Variants in ACSM1 observed in about 807,000 individuals in gnomAD.
ACSM1 encodes the protein acyl-CoA synthetase medium chain family member 1.
In ACSM1, 79 loss-of-function variants were observed where a neutral mutation model predicts 75.8. The ratio of observed to expected loss-of-function variants is 1.04; its 90% CI spans 0.87 to 1.26. The LOEUF (loss-of-function observed/expected upper bound fraction) is 1.26. Ranked by LOEUF, ACSM1 falls within the 50% of genes most tolerant of loss-of-function variation. The probability of loss-of-function intolerance (pLI) is 0.00; values close to 1 mark genes in which losing one functional copy is unlikely to be tolerated. For synonymous variants in ACSM1, 279 were observed against 265.8 expected (o/e 1.05, Z -0.48); for missense variants, 676 against 720.1 (o/e 0.94, Z 0.70).
chr16:20,653,817 T>C (rs544289291), intron 7 of ACSM1, among the ~76,000 whole-genome samples: 8 of 152,136 alleles, frequency 5.3e-5, no homozygotes, highest in Non-Finnish European at 1.2e-4. Context: ...ATCGTGAAAA[T>C]GGCCATACTG....
At chr16:20,634,656 T>C (rs899828371) in intron 10 of ACSM1, among the ~76,000 whole-genome samples, 34 of 152,298 alleles carry the variant, frequency 2.2e-4, no homozygotes, top group Admixed American at 2.2e-3. Context: ...AATTCATAGA[T>C]TTTAAAAAGC....
chr16:20,691,238 G>C lies in ACSM1; in HGVS notation c.-50C>G. The C allele has an allele frequency of 5.5e-6, 8 of 1,444,864 alleles. No individual in the cohort carries two copies. Among genetic ancestry groups the C allele is most frequent in the Non-Finnish European group, 7.4e-6 (8 of 1,085,302 alleles). 89.5% of individuals were successfully genotyped at this position (1,444,864 alleles called of 1,614,324 possible). On this transcript the variant is annotated splice_region_variant and 5_prime_UTR_variant, in exon 2 of 14. Transcript: ENST00000520010. ...GCACAGAGTTCTCAAGTCACCACCTGCCTTGGGAAGAGATGGCTAATAGAT... is the reference window on the plus strand; with the variant it reads ...GCACAGAGTTCTCAAGTCACCACCTCCCTTGGGAAGAGATGGCTAATAGAT...
At chr16:20,625,952 T>C (rs1436854737) in intron 11 of ACSM1, among the ~76,000 whole-genome samples, 2 of 152,220 alleles carry the variant, frequency 1.3e-5, no homozygotes, top group African/African-American at 4.8e-5. Flanking sequence ...TACATATACA[T>C]AGTAACGCGA....
At chr16:20,644,615 T>C (rs2018259739) in intron 7 of ACSM1, among the ~76,000 whole-genome samples, 1 of 151,794 alleles carries the variant, frequency 6.6e-6, no homozygotes, top group African/African-American at 2.4e-5. Flanking sequence ...GAAACTCTTG[T>C]AGAAGCAGAG....
intron 12 of ACSM1, 49 bp downstream of exon 12, chr16:20,625,374 C>T: frequency 6.3e-7 from 1 of 1,578,694 alleles, no homozygotes. Flanking sequence ...CCTGCACCTG[C>T]TTTCCTAGTG....
intron 4 of ACSM1, among the ~76,000 whole-genome samples, chr16:20,672,471 AAT>A (rs1392857890): frequency 0.019 from 1,200 of 64,544 alleles, 27 homozygotes; most frequent in Middle Eastern, 0.083. Context: ...AAAAAAAAAA[AAT>A]ATATATATAT....
At chr16:20,669,384 C>T (rs888906620) in intron 6 of ACSM1, among the ~76,000 whole-genome samples, 1 of 150,622 alleles carries the variant, frequency 6.6e-6, no homozygotes, top group African/African-American at 2.5e-5. Flanking sequence ...GGATAAGAAG[C>T]TAGATCTGTC....
intron 7 of ACSM1, among the ~76,000 whole-genome samples, chr16:20,650,445 C>A (rs967623508): frequency 6.6e-6 from 1 of 152,020 alleles, no homozygotes; most frequent in Non-Finnish European, 1.5e-5. Context: ...AAATCCCCAA[C>A]AAAAATTAAT....
chr16:20,686,820 A>G (rs1286549344), intron 2 of ACSM1, among the ~76,000 whole-genome samples: 1 of 151,584 alleles, frequency 6.6e-6, no homozygotes, highest in Non-Finnish European at 1.5e-5. Context: ...GAAAAAAAAA[A>G]AGTTTAACTA....
chr16:20,636,954 A>T lies in ACSM1; in HGVS notation c.1198-114T>A, dbSNP rs2017754308. 7.9e-6 allele frequency: 6 copies of T among 755,890 alleles called. No homozygotes were observed. The East Asian group carries it at 1.5e-4, about 19-fold the overall frequency. 46.8% of individuals were successfully genotyped at this position (755,890 alleles called of 1,614,324 possible). A position where few individuals can be genotyped will look rare whatever the true frequency, so the allele number is the denominator to read the frequency against. ...CCAGTGTGGATGAAATAACAGAGGA[A>T]ACATCAGAAAATGGAATAAAACTGT... On this transcript the variant is annotated intron_variant, in intron 9 of 13. Coordinates refer to ENST00000520010, the MANE Select transcript of ACSM1 (RefSeq NM_001318890.3).
chr16:20,684,599 C>T (rs2079513207), intron 3 of ACSM1, among the ~76,000 whole-genome samples: 1 of 152,180 alleles, frequency 6.6e-6, no homozygotes, highest in Admixed American at 6.5e-5. Context: ...AACTTGCATT[C>T]TTCAAAAATG....
At chr16:20,647,325 A>G (rs866953282) in intron 7 of ACSM1, among the ~76,000 whole-genome samples, 27 of 152,236 alleles carry the variant, frequency 1.8e-4, no homozygotes, top group Admixed American at 8.5e-4. Flanking sequence ...AATGCAAAGA[A>G]GGAATGAAGA....
At chr16:20,675,970 CAAAAG>C (rs1426269634) in intron 4 of ACSM1, among the ~76,000 whole-genome samples, 1 of 152,124 alleles carries the variant, frequency 6.6e-6, no homozygotes, top group African/African-American at 2.4e-5. Context: ...ACTACGGAGA[CAAAAG>C]AAAAGTCTCA....
chr16:20,681,945 T>C (rs2079454636), intron 4 of ACSM1: 1 of 248,948 alleles, frequency 4.0e-6, no homozygotes, highest in Non-Finnish European at 8.0e-6. Context: ...ACAGATAAAC[T>C]CAAGTTGTAA....
At chr16:20,641,515 C>T (rs1391198650) in intron 7 of ACSM1, among the ~76,000 whole-genome samples, 2 of 152,192 alleles carry the variant, frequency 1.3e-5, no homozygotes, top group Admixed American at 1.3e-4. Flanking sequence ...GCAGAACATG[C>T]TCCTTATAAA....
At chr16:20,681,067 A>T (rs1277132910) in intron 4 of ACSM1, 1 of 152,228 alleles carries the variant, frequency 6.6e-6, no homozygotes, top group Non-Finnish European at 1.5e-5. Flanking sequence ...GGCCTCCTGA[A>T]AGAATAATTA....
chr16:20,667,076 A>G (rs1475033209), intron 6 of ACSM1, among the ~76,000 whole-genome samples: 2 of 152,196 alleles, frequency 1.3e-5, no homozygotes, highest in African/African-American at 4.8e-5. Context: ...CAATTGCATC[A>G]AAACCAAAAA....
chr16:20,631,457 T>C (rs551929549), intron 10 of ACSM1, among the ~76,000 whole-genome samples: 32 of 152,326 alleles, frequency 2.1e-4, no homozygotes, highest in African/African-American at 7.2e-4. Flanking sequence ...GAAAACAGTA[T>C]AGAGATTCCT....
chr16:20,644,473 G>A (rs570712781), intron 7 of ACSM1, among the ~76,000 whole-genome samples: 3 of 151,738 alleles, frequency 2.0e-5, no homozygotes, highest in Non-Finnish European at 2.9e-5. Flanking sequence ...ACAGAGGACC[G>A]ACAAGACCTA....
Sources: allele counts gnomAD v4.1 joint callset (sites outside exome capture counted in the v4.1 genomes callset), GRCh38; gene constraint gnomAD v4.1.1; transcripts MANE v1.5; gene names NCBI Gene and HGNC (gene_info 2026-07-23, HGNC 2026-07-21).